PKHD1: variants seen among roughly 807,000 people sequenced by gnomAD.
The protein encoded by PKHD1 is PKHD1 ciliary IPT domain containing fibrocystin/polyductin.
In PKHD1, 291 loss-of-function variants were observed where a neutral mutation model predicts 412.0. The observed-to-expected ratio is 0.71, with a 90% confidence interval of 0.64 to 0.78. The LOEUF (loss-of-function observed/expected upper bound fraction) is 0.78, where lower values mean the gene tolerates loss of function less well. PKHD1 is among the 30% of genes least tolerant of loss of function. The probability of loss-of-function intolerance (pLI) is 0.00; values close to 1 mark genes in which losing one functional copy is unlikely to be tolerated. For synonymous variants in PKHD1, 1,777 were observed against 1,821.5 expected, an observed-to-expected ratio of 0.98 and a Z score of 0.62; for missense variants, 4,825 against 4,950.7, an observed-to-expected ratio of 0.97 and a Z score of 0.76.
chr6:52,068,914 T>C (rs1896984), intron 11 of PKHD1, among the ~76,000 whole-genome samples: 146,978 of 152,282 alleles, frequency 0.97, 71,138 homozygotes, highest in East Asian at 1. Context: ...ATTTCTTCAG[T>C]GGCTGTGTGA....
chr6:52,001,150 A>G (rs1798335586), intron 35 of PKHD1, among the ~76,000 whole-genome samples: 2 of 152,204 alleles, frequency 1.3e-5, no homozygotes, highest in Admixed American at 1.3e-4. Context: ...GGCATGAAAT[A>G]TAACTGTGTC....
chr6:51,927,788 G>T lies in PKHD1; in HGVS notation c.6121+6322C>A, dbSNP rs559735608. 1.9e-3 allele frequency among the ~76,000 whole-genome samples: 297 copies of T among 152,314 alleles called. 2 individuals carry two copies. The highest frequency in any genetic ancestry group is 6.7e-3 in the African/African-American group (279 of 41,558). On this transcript the variant is annotated intron_variant, in intron 37 of 66. Coordinates refer to ENST00000371117, the MANE Select transcript of PKHD1 (RefSeq NM_138694.4). ...AGTGAAACATCTTTCATGTGGATTTGTAAGTTTCCTCTGGATAGCTGAATT... is the reference window on the plus strand; with the variant it reads ...AGTGAAACATCTTTCATGTGGATTTTTAAGTTTCCTCTGGATAGCTGAATT...
At chr6:51,662,936 A>G (rs116257591) in intron 60 of PKHD1, among the ~76,000 whole-genome samples, 2,755 of 152,162 alleles carry the variant, frequency 0.018, 96 homozygotes, top group African/African-American at 0.063. Flanking sequence ...AAATTTAATT[A>G]TCAAATTTAA....
intron 60 of PKHD1, among the ~76,000 whole-genome samples, chr6:51,722,722 T>C (rs1782079259): frequency 6.6e-6 from 1 of 152,200 alleles, no homozygotes; most frequent in Admixed American, 6.5e-5. Flanking sequence ...TCCAGGAGGA[T>C]ATAATCTAAT....
chr6:51,979,747 C>T (rs1794907581), intron 35 of PKHD1, among the ~76,000 whole-genome samples: 1 of 152,162 alleles, frequency 6.6e-6, no homozygotes, highest in East Asian at 1.9e-4. Context: ...TCATCCCTCG[C>T]TTCTCCCCAT....
intron 48 of PKHD1, among the ~76,000 whole-genome samples, chr6:51,865,810 C>T (rs1774977112): frequency 6.6e-6 from 1 of 152,176 alleles, no homozygotes; most frequent in Non-Finnish European, 1.5e-5. Flanking sequence ...AAGTTTGCAT[C>T]TATGCTGAAT....
chr6:51,724,619 G>T (rs1582294296), intron 60 of PKHD1, among the ~76,000 whole-genome samples: 1 of 152,030 alleles, frequency 6.6e-6, no homozygotes, highest in South Asian at 2.1e-4. Flanking sequence ...TGAAATCTTG[G>T]AATCACTGTG....
At chr6:51,638,822 GA>G in intron 64 of PKHD1, 26 bp downstream of exon 64, 1 of 1,008,554 alleles carries the variant, frequency 9.9e-7, no homozygotes, top group Non-Finnish European at 1.5e-6. Context: ...AAAAAACACA[GA>G]ATAAAAGCAC....
intron 46 of PKHD1, among the ~76,000 whole-genome samples, chr6:51,881,760 T>A (rs1277317049): frequency 6.6e-6 from 1 of 152,164 alleles, no homozygotes; most frequent in Non-Finnish European, 1.5e-5. Flanking sequence ...GATCATCTCT[T>A]AGGTAATAGT....
chr6:51,672,606 T>G (rs1236731356), intron 60 of PKHD1, among the ~76,000 whole-genome samples: 1 of 152,148 alleles, frequency 6.6e-6, no homozygotes, highest in Non-Finnish European at 1.5e-5. Flanking sequence ...TAAGATGGAA[T>G]GGACAAACAG....
At chr6:51,827,404 A>G (rs1006507312) in intron 52 of PKHD1, among the ~76,000 whole-genome samples, 1 of 152,192 alleles carries the variant, frequency 6.6e-6, no homozygotes, top group African/African-American at 2.4e-5. Flanking sequence ...TATATTAATT[A>G]TAGCCCTAAT....
chr6:51,796,754 A>G (rs1348860531), intron 52 of PKHD1, among the ~76,000 whole-genome samples: 2 of 149,724 alleles, frequency 1.3e-5, no homozygotes, highest in Non-Finnish European at 3.0e-5. Context: ...TTCATTATTT[A>G]CTCAAGAGTC....
intron 37 of PKHD1, among the ~76,000 whole-genome samples, chr6:51,921,674 G>A (rs144539892): frequency 1.1e-3 from 168 of 151,902 alleles, no homozygotes; most frequent in Non-Finnish European, 1.6e-3. Flanking sequence ...CATATCATTC[G>A]TTTCATCTTC....
At chr6:51,925,308 C>T (rs1785354073) in intron 37 of PKHD1, among the ~76,000 whole-genome samples, 1 of 152,174 alleles carries the variant, frequency 6.6e-6, no homozygotes, top group African/African-American at 2.4e-5. Flanking sequence ...GCTTGAAATC[C>T]TCGTGTGTCT....
chr6:51,936,261 T>C (rs886555820), intron 36 of PKHD1, among the ~76,000 whole-genome samples: 2 of 152,178 alleles, frequency 1.3e-5, no homozygotes, highest in African/African-American at 4.8e-5. Flanking sequence ...TCCCATTTTC[T>C]CAGAAAGGAT....
chr6:51,795,308 T>C (rs1294635152), intron 52 of PKHD1, among the ~76,000 whole-genome samples: 1 of 152,204 alleles, frequency 6.6e-6, no homozygotes, highest in African/African-American at 2.4e-5. Context: ...GGGAGTTCAT[T>C]TGCGAGTTGG....
At chr6:51,896,830 G>C (rs1330174404) in intron 43 of PKHD1, among the ~76,000 whole-genome samples, 5 of 151,842 alleles carry the variant, frequency 3.3e-5, no homozygotes, top group African/African-American at 4.8e-5. Flanking sequence ...GGAGCTGATG[G>C]AGCTGAAAAC....
Position 52,043,026 on chromosome 6 carries a change from T to C in PKHD1, c.2930A>G (p.Asn977Ser). The change falls in exon 27 of 67, where the codon AAC becomes AGC. Residue 977 changes from asparagine to serine, a missense_variant. Coordinates refer to ENST00000371117, the MANE Select transcript of PKHD1 (RefSeq NM_138694.4). ...TGTCTGACAGACTACATTGGTCTGGTTTGAGAAAATAACTTTGCAACTCGT... is the reference window on the plus strand; with the variant it reads ...TGTCTGACAGACTACATTGGTCTGGCTTGAGAAAATAACTTTGCAACTCGT... ...NKTSCKVIFS[N>S]QTNVVCQTDL... 2 of 1,614,118 alleles carry C rather than the reference T, an allele frequency of 1.2e-6. No homozygotes were observed. Among genetic ancestry groups the C allele is most frequent in the Non-Finnish European group, 1.7e-6 (2 of 1,179,946 alleles).
intron 27 of PKHD1, among the ~76,000 whole-genome samples, chr6:52,038,089 AG>A (rs1409370069): frequency 6.6e-6 from 1 of 152,184 alleles, no homozygotes; most frequent in Non-Finnish European, 1.5e-5. Context: ...CTTTATAAAA[AG>A]GGGAATTTGG....
Sources: gnomAD v4.1 joint callset for allele counts (sites outside exome capture counted in the v4.1 genomes callset) on GRCh38, gnomAD v4.1.1 for gene constraint, MANE v1.5 for transcripts, NCBI Gene and HGNC (gene_info 2026-07-23, HGNC 2026-07-21) for gene names.